TRAPPC9: variants seen among roughly 807,000 people sequenced by gnomAD.
The protein encoded by TRAPPC9 is IKK2 binding protein.
A neutral mutation model predicts 124.0 loss-of-function variants in TRAPPC9; 83 were observed. That is an observed-to-expected ratio of 0.67 (90% CI 0.56 to 0.80). TRAPPC9 has a LOEUF of 0.80. Ranked by LOEUF, TRAPPC9 falls within the 30% of genes least tolerant of loss-of-function variation. The probability of loss-of-function intolerance (pLI) is 0.00; values close to 1 mark genes in which losing one functional copy is unlikely to be tolerated. For missense variants in TRAPPC9, 1,302 were observed against 1,508.3 expected, an observed-to-expected ratio of 0.86 and a Z score of 2.27; for synonymous variants, 638 against 617.5, an observed-to-expected ratio of 1.03 and a Z score of -0.49.
chr8:139,823,823 A>G (rs1034672723), intron 21 of TRAPPC9, among the ~76,000 whole-genome samples: 1 of 152,174 alleles, frequency 6.6e-6, no homozygotes, highest in South Asian at 2.1e-4. Context: ...TCAGGATAAT[A>G]AAACGTGAAC....
intron 19 of TRAPPC9, among the ~76,000 whole-genome samples, chr8:139,982,389 T>C (rs1390632755): frequency 6.6e-6 from 1 of 152,174 alleles, no homozygotes; most frequent in Non-Finnish European, 1.5e-5. Flanking sequence ...CGACCTCTTT[T>C]ACTCATAGGG....
rs186006815 is a variant in TRAPPC9 at position 140,249,899 on chromosome 8, T to C, written c.2431+2878A>G. 4.5e-3 allele frequency among the ~76,000 whole-genome samples: 692 copies of C among 152,282 alleles called. 2 individuals are homozygous for C. The highest frequency in any genetic ancestry group is 7.4e-3 in the Non-Finnish European group (505 of 68,018). On this transcript the variant is annotated intron_variant, in intron 16 of 22. Coordinates refer to ENST00000438773, the MANE Select transcript of TRAPPC9 (RefSeq NM_001160372.4). ...CTGGGATTACAGGCGTGAGCCACCGTGCCTGGCCTGATCTTTCACTCTTAA... is the reference window on the plus strand; with the variant it reads ...CTGGGATTACAGGCGTGAGCCACCGCGCCTGGCCTGATCTTTCACTCTTAA...
intron 9 of TRAPPC9, among the ~76,000 whole-genome samples, chr8:140,327,243 TA>T (rs944972261): frequency 5.3e-5 from 8 of 150,642 alleles, no homozygotes; most frequent in Middle Eastern, 6.9e-3. Context: ...ACAGGACATC[TA>T]AAAAAAAAGA....
At chr8:140,102,429 A>T (rs2130389249) in intron 17 of TRAPPC9, among the ~76,000 whole-genome samples, 2 of 152,346 alleles carry the variant, frequency 1.3e-5, no homozygotes, top group East Asian at 3.9e-4. Context: ...ATAGTGCTAG[A>T]CAATAAATAT....
intron 11 of TRAPPC9, among the ~76,000 whole-genome samples, chr8:140,297,347 T>C (rs1039432960): frequency 2.7e-5 from 4 of 148,692 alleles, no homozygotes; most frequent in Non-Finnish European, 5.9e-5. Flanking sequence ...CACACATGCA[T>C]AGACACACAC....
At chr8:140,164,150 C>T (rs533962350) in intron 17 of TRAPPC9, among the ~76,000 whole-genome samples, 1 of 152,150 alleles carries the variant, frequency 6.6e-6, no homozygotes, top group Non-Finnish European at 1.5e-5. Context: ...AGTGGGGACA[C>T]GGAGATGCAC....
intron 16 of TRAPPC9, among the ~76,000 whole-genome samples, chr8:140,239,444 T>C (rs577969147): frequency 3.3e-5 from 5 of 151,950 alleles, no homozygotes; most frequent in Non-Finnish European, 7.4e-5. Flanking sequence ...AGCAAGAGTA[T>C]TGGGGGAGGA....
At chr8:140,331,670 C>T (rs970780937) in intron 9 of TRAPPC9, among the ~76,000 whole-genome samples, 1 of 148,312 alleles carries the variant, frequency 6.7e-6, no homozygotes, top group Non-Finnish European at 1.5e-5. Context: ...AGGCAAAAGA[C>T]GTGAATAGAC....
At chr8:140,213,617 CA>C (rs1207682788) in intron 17 of TRAPPC9, among the ~76,000 whole-genome samples, 1 of 151,740 alleles carries the variant, frequency 6.6e-6, no homozygotes, top group Non-Finnish European at 1.5e-5. Flanking sequence ...AAGTGAAGCA[CA>C]ACCTCTGGCT....
intron 17 of TRAPPC9, among the ~76,000 whole-genome samples, chr8:140,117,734 T>TAAAC (rs1350654879): frequency 6.6e-6 from 1 of 152,080 alleles, no homozygotes; most frequent in African/African-American, 2.4e-5. Flanking sequence ...GTGAAAAAAA[T>TAAAC]AAACATAGGA....
chr8:140,387,937 C>T lies in TRAPPC9; in HGVS notation c.1134+9683G>A, dbSNP rs553522540. On this transcript the variant is annotated intron_variant, in intron 7 of 22. Transcript: ENST00000438773. Reference sequence around the variant, plus strand: ...GACAAATGCACACGTATGTTTATTGCAGCACTATTCACAACAGCAGAGACT... The same window carrying T: ...GACAAATGCACACGTATGTTTATTGTAGCACTATTCACAACAGCAGAGACT... Among the ~76,000 whole-genome samples, 82 of 152,072 alleles carry T rather than the reference C, an allele frequency of 5.4e-4. No homozygotes were observed. In the East Asian group the frequency reaches 0.015, roughly 28 times the overall value.
chr8:140,232,568 T>G (rs6578084), intron 16 of TRAPPC9, among the ~76,000 whole-genome samples: 1 of 152,006 alleles, frequency 6.6e-6, no homozygotes, highest in South Asian at 2.1e-4. Context: ...GAGCACTAGA[T>G]ATGGAGTCGA....
chr8:140,170,744 T>A (rs1368119498), intron 17 of TRAPPC9, among the ~76,000 whole-genome samples: 1 of 152,116 alleles, frequency 6.6e-6, no homozygotes, highest in Non-Finnish European at 1.5e-5. Flanking sequence ...ATGAGCTCAC[T>A]CCTCTTCTGG....
chr8:140,110,018 A>G (rs1249059642), intron 17 of TRAPPC9, among the ~76,000 whole-genome samples: 1 of 152,084 alleles, frequency 6.6e-6, no homozygotes, highest in Non-Finnish European at 1.5e-5. Flanking sequence ...CTCAGGTGAC[A>G]GCATCAACAG....
At chr8:139,891,026 G>C (rs1830311959) in intron 20 of TRAPPC9, among the ~76,000 whole-genome samples, 1 of 152,124 alleles carries the variant, frequency 6.6e-6, no homozygotes, top group Admixed American at 6.5e-5. Context: ...CCAAATGCCT[G>C]AGTAAACGGC....
At chr8:140,111,370 C>T (rs1331407127) in intron 17 of TRAPPC9, among the ~76,000 whole-genome samples, 1 of 152,156 alleles carries the variant, frequency 6.6e-6, no homozygotes, top group Non-Finnish European at 1.5e-5. Context: ...CTGGCCTCAA[C>T]ACCTTGGCCG....
chr8:139,902,967 A>C (rs1831113650), intron 20 of TRAPPC9, among the ~76,000 whole-genome samples: 1 of 152,136 alleles, frequency 6.6e-6, no homozygotes, highest in Non-Finnish European at 1.5e-5. Context: ...AGCCCAAATA[A>C]AACTGACAAA....
chr8:140,204,098 T>A (rs751195412), intron 17 of TRAPPC9, among the ~76,000 whole-genome samples: 10 of 152,078 alleles, frequency 6.6e-5, no homozygotes, highest in Non-Finnish European at 8.8e-5. Context: ...TGGGAATGGA[T>A]CCTTCATGGT....
chr8:140,192,827 G>C (rs1030895570), intron 17 of TRAPPC9, among the ~76,000 whole-genome samples: 1 of 152,154 alleles, frequency 6.6e-6, no homozygotes, highest in African/African-American at 2.4e-5. Flanking sequence ...GCCTAGGCTA[G>C]AGTGCAGTGG....
Sources: allele counts gnomAD v4.1 joint callset (sites outside exome capture counted in the v4.1 genomes callset), GRCh38; gene constraint gnomAD v4.1.1; transcripts MANE v1.5; gene names NCBI Gene and HGNC (gene_info 2026-07-23, HGNC 2026-07-21).